The following TRPM3 variants were observed in gnomAD, a reference collection of about 807,000 sequenced individuals.
The protein encoded by TRPM3 is transient receptor potential cation channel subfamily M member 3.
A neutral mutation model predicts 181.2 loss-of-function variants in TRPM3; 77 were observed. The ratio of observed to expected loss-of-function variants is 0.42; its 90% CI spans 0.35 to 0.51. The LOEUF is 0.51. Among genes scored for constraint, TRPM3 ranks in the 20% least tolerant of loss-of-function variants. The pLI is 0.01. For missense variants in TRPM3, 1,759 were observed against 2,196.7 expected (o/e 0.80, Z 3.98); for synonymous variants, 745 against 796.4 (o/e 0.94, Z 1.09).
intron 3 of TRPM3, among the ~76,000 whole-genome samples, chr9:70,850,602 G>A (rs988007703): frequency 2.6e-5 from 4 of 152,202 alleles, no homozygotes; most frequent in African/African-American, 9.6e-5. Flanking sequence ...CAGTAAAGTG[G>A]TTTAAGATAA....
At chr9:71,253,917 T>C (rs1185652472) in intron 1 of TRPM3, among the ~76,000 whole-genome samples, 2 of 152,062 alleles carry the variant, frequency 1.3e-5, no homozygotes, top group African/African-American at 4.8e-5. Flanking sequence ...CATATGAAAG[T>C]GGATAAATTA....
intron 6 of TRPM3, chr9:70,793,773 A>C (rs928078714): frequency 1.5e-5 from 6 of 403,412 alleles, no homozygotes; most frequent in Non-Finnish European, 2.6e-5. Context: ...GCAGTGATGC[A>C]AAAGTGATAC....
chr9:70,946,696 G>A (rs1050593662), intron 1 of TRPM3, among the ~76,000 whole-genome samples: 7 of 151,894 alleles, frequency 4.6e-5, no homozygotes, highest in South Asian at 4.2e-4. Flanking sequence ...ACCAGCACCC[G>A]AAATCCCTCC....
intron 1 of TRPM3, among the ~76,000 whole-genome samples, chr9:71,314,290 A>G (rs1266178405): frequency 6.6e-6 from 1 of 152,184 alleles, no homozygotes; most frequent in African/African-American, 2.4e-5. Context: ...TCAAAGAAAA[A>G]TATCACATAA....
chr9:70,925,225 G>A (rs1401872303), intron 1 of TRPM3, among the ~76,000 whole-genome samples: 1 of 152,158 alleles, frequency 6.6e-6, no homozygotes, highest in African/African-American at 2.4e-5. Flanking sequence ...GGCGTTCAAC[G>A]AAGTCTACTT....
intron 22 of TRPM3, among the ~76,000 whole-genome samples, chr9:70,574,672 T>C (rs756518181): frequency 6.6e-6 from 1 of 152,182 alleles, no homozygotes; most frequent in Non-Finnish European, 1.5e-5. Context: ...TAATCCCCAT[T>C]ACGCAGGAGA....
intron 8 of TRPM3, among the ~76,000 whole-genome samples, chr9:70,743,137 C>T (rs796877654): frequency 2.0e-5 from 3 of 152,184 alleles, no homozygotes; most frequent in African/African-American, 7.2e-5. Context: ...TCAAAAAGTA[C>T]ATTTGGTTAG....
chr9:71,188,957 A>G (rs1299403628), intron 1 of TRPM3, among the ~76,000 whole-genome samples: 1 of 151,928 alleles, frequency 6.6e-6, no homozygotes, highest in Non-Finnish European at 1.5e-5. Context: ...GGGCATGTCC[A>G]TTGAGGAAAA....
intron 1 of TRPM3, among the ~76,000 whole-genome samples, chr9:71,336,316 T>A (rs113785839): frequency 0.036 from 5,407 of 151,650 alleles, 161 homozygotes; most frequent in Middle Eastern, 0.086. Context: ...ACAATAATAG[T>A]CAAACAGCCA....
intron 1 of TRPM3, among the ~76,000 whole-genome samples, chr9:71,242,569 C>T (rs145297489): frequency 2.6e-5 from 4 of 152,290 alleles, no homozygotes; most frequent in African/African-American, 9.6e-5. Flanking sequence ...TGTCTATTTA[C>T]TACTATCACT....
At chr9:71,059,466 A>G (rs2061058935) in intron 1 of TRPM3, among the ~76,000 whole-genome samples, 1 of 152,066 alleles carries the variant, frequency 6.6e-6, no homozygotes. Context: ...AGTTCTGAGT[A>G]CCATACTTTA....
chr9:71,051,937 G>A (rs1009156050), intron 1 of TRPM3, among the ~76,000 whole-genome samples: 28 of 151,916 alleles, frequency 1.8e-4, no homozygotes, highest in African/African-American at 6.8e-4. Flanking sequence ...TATCTCTAGG[G>A]GGGTTGTTTC....
intron 1 of TRPM3, among the ~76,000 whole-genome samples, chr9:71,130,587 T>A (rs569378769): frequency 6.6e-6 from 1 of 152,318 alleles, no homozygotes; most frequent in Admixed American, 6.5e-5. Flanking sequence ...GCTATTAAGT[T>A]AGAAAATGAA....
chr9:70,847,873 T>C (rs2132098729), intron 3 of TRPM3, among the ~76,000 whole-genome samples: 1 of 152,336 alleles, frequency 6.6e-6, no homozygotes, highest in South Asian at 2.1e-4. Context: ...TGGACGATGG[T>C]TCCAGATAAC....
In TRPM3 at chr9:70,823,460, T is replaced by C. The variant is rs531063499; in HGVS notation, c.973+4387A>G. 2.6e-5 allele frequency among the ~76,000 whole-genome samples: 4 copies of C among 152,340 alleles called. No individual in the cohort carries two copies. In the South Asian group the frequency reaches 8.3e-4, roughly 32 times the overall value. On this transcript the variant is annotated intron_variant, in intron 6 of 25. Coordinates refer to ENST00000677713, the MANE Select transcript of TRPM3 (RefSeq NM_001366145.2). ...GTTCCTGCTTTCACTCTCCACAGAA[T>C]GCTCTTTCACAGCCAGCCGCTTGCT...
intron 9 of TRPM3, among the ~76,000 whole-genome samples, chr9:70,641,307 C>T (rs2058030757): frequency 1.3e-5 from 2 of 152,326 alleles, no homozygotes; most frequent in South Asian, 4.1e-4. Context: ...TGCACACACT[C>T]AAGTTTGAGA....
chr9:71,021,756 A>T (rs963817955), intron 1 of TRPM3, among the ~76,000 whole-genome samples: 2 of 152,184 alleles, frequency 1.3e-5, no homozygotes, highest in African/African-American at 2.4e-5. Flanking sequence ...GATTCCTTGA[A>T]GGTGCACAGG....
intron 1 of TRPM3, among the ~76,000 whole-genome samples, chr9:71,202,732 C>A (rs2131739764): frequency 6.6e-6 from 1 of 152,274 alleles, no homozygotes; most frequent in African/African-American, 2.4e-5. Flanking sequence ...TGGAGCCAGG[C>A]TGCACAGGTC....
rs1321658008 is a variant in TRPM3 at position 70,640,546 on chromosome 9, G to A, written c.1446+14C>T. 2 of 1,608,398 alleles carry A rather than the reference G, an allele frequency of 1.2e-6. No individual in the cohort carries two copies. Among genetic ancestry groups the A allele is most frequent in the Non-Finnish European group, 1.7e-6 (2 of 1,176,204 alleles). On this transcript the variant is annotated intron_variant, in intron 10 of 25. Coordinates refer to ENST00000677713, the MANE Select transcript of TRPM3 (RefSeq NM_001366145.2). ...CCAAAGTGGGCTTTTCATGGGAGAC[G>A]ATATATACTCTACCGGCCACTGTTG...
Sources: gnomAD v4.1 joint callset for allele counts (sites outside exome capture counted in the v4.1 genomes callset) on GRCh38, gnomAD v4.1.1 for gene constraint, MANE v1.5 for transcripts, NCBI Gene and HGNC (gene_info 2026-07-23, HGNC 2026-07-21) for gene names.